The following GIGYF2 variants were observed in gnomAD, a reference collection of about 807,000 sequenced individuals.
The protein encoded by GIGYF2 is GRB10 interacting GYF protein 2.
A neutral mutation model predicts 208.1 loss-of-function variants in GIGYF2; 25 were observed. The ratio of observed to expected loss-of-function variants is 0.12; its 90% CI spans 0.09 to 0.17. The LOEUF is 0.17. GIGYF2 is among the 10% of genes least tolerant of loss of function. The pLI is 1.00. For synonymous variants in GIGYF2, 534 were observed against 543.8 expected (o/e 0.98, Z 0.25); for missense variants, 1,302 against 1,579.4 (o/e 0.82, Z 2.98).
At position 232,847,575 on chromosome 2, in the gene GIGYF2, T is replaced by G; in HGVS notation, c.3684+4T>G. 6.2e-7 allele frequency: 1 copy of G among 1,612,346 alleles called. No homozygotes were observed. The highest frequency in any genetic ancestry group is 8.5e-7 in the Non-Finnish European group (1 of 1,179,984). ...GCCACAGCAGCCACAACAGCAGGTA[T>G]AAAGTAGTGTGGTGTATGCGGTACC... On this transcript the variant is annotated splice_donor_region_variant and intron_variant, in intron 27 of 28. Transcript: ENST00000373563.
At chr2:232,847,767 C>T (rs141115627) in intron 27 of GIGYF2, among the ~76,000 whole-genome samples, 196 bp downstream of exon 27, 7 of 152,266 alleles carry the variant, frequency 4.6e-5, no homozygotes, top group Non-Finnish European at 8.8e-5. Flanking sequence ...GCAAGTACAA[C>T]CATTCATTTT....
chr2:232,710,015 A>G (rs1204277019), intron 2 of GIGYF2, among the ~76,000 whole-genome samples: 1 of 151,838 alleles, frequency 6.6e-6, no homozygotes, highest in East Asian at 2.0e-4. Context: ...GCTGGAGTGC[A>G]GTGGCGTGAT....
At chr2:232,711,705 G>GTATATATGTATATATATATATATA (rs1696413285) in intron 2 of GIGYF2, among the ~76,000 whole-genome samples, 1 of 115,762 alleles carries the variant, frequency 8.6e-6, no homozygotes, top group African/African-American at 3.2e-5. Flanking sequence ...TCACAATGAT[G>GTATATATGTATATATATATATATA]TATATATATA....
At chr2:232,766,706 C>T (rs1698977660) in intron 8 of GIGYF2, 1 of 152,194 alleles carries the variant, frequency 6.6e-6, no homozygotes, top group African/African-American at 2.4e-5. Context: ...CAGAGTTCTT[C>T]TTTATTTTCT....
chr2:232,726,373 A>AT, intron 2 of GIGYF2, among the ~76,000 whole-genome samples: 1 of 151,528 alleles, frequency 6.6e-6, no homozygotes, highest in South Asian at 2.1e-4. Flanking sequence ...TGTCTCAAAA[A>AT]AAAAAAAAAA....
At chr2:232,808,922 C>T (rs1700640034) in intron 15 of GIGYF2, among the ~76,000 whole-genome samples, 1 of 151,996 alleles carries the variant, frequency 6.6e-6, no homozygotes, top group South Asian at 2.1e-4. Flanking sequence ...AGTTTATATA[C>T]ATACATATAC....
chr2:232,838,411 G>A (rs568733747), intron 22 of GIGYF2, among the ~76,000 whole-genome samples: 5 of 152,264 alleles, frequency 3.3e-5, no homozygotes, highest in Admixed American at 1.3e-4. Context: ...AGAGGTGCCC[G>A]TGAGGATAGA....
intron 8 of GIGYF2, among the ~76,000 whole-genome samples, chr2:232,784,731 A>G (rs545038367): frequency 6.6e-6 from 1 of 152,304 alleles, no homozygotes; most frequent in South Asian, 2.1e-4. Context: ...GATATTACAT[A>G]ATAACTACAA....
chr2:232,749,195 C>T (rs1462419923), intron 5 of GIGYF2, 113 bp downstream of exon 5: 6 of 754,368 alleles, frequency 8.0e-6, no homozygotes, highest in South Asian at 1.4e-5. Flanking sequence ...CATAGGTCTG[C>T]TTTCTTCTAT....
intron 21 of GIGYF2, among the ~76,000 whole-genome samples, chr2:232,826,668 G>C (rs1451329193): frequency 6.6e-6 from 1 of 152,124 alleles, no homozygotes; most frequent in Admixed American, 6.6e-5. Flanking sequence ...AATCTGCAAA[G>C]AACTTAAACA....
At chr2:232,851,513 G>A (rs1303955691) in intron 28 of GIGYF2, among the ~76,000 whole-genome samples, 5 of 151,788 alleles carry the variant, frequency 3.3e-5, no homozygotes, top group Non-Finnish European at 1.5e-5. Context: ...TCTGCCTCCC[G>A]GGTTCAAGCG....
intron 21 of GIGYF2, among the ~76,000 whole-genome samples, chr2:232,822,738 A>G (rs1701131105): frequency 6.6e-6 from 1 of 152,224 alleles, no homozygotes; most frequent in Admixed American, 6.5e-5. Flanking sequence ...GTTCTATAGA[A>G]ATGGAATTGA....
chr2:232,772,996 C>CT (rs985125342), intron 8 of GIGYF2, among the ~76,000 whole-genome samples: 4 of 151,848 alleles, frequency 2.6e-5, no homozygotes, highest in South Asian at 2.1e-4. Context: ...TGATTAGAGA[C>CT]TTTTTTTTGT....
At chr2:232,737,815 A>G (rs2106299829) in intron 3 of GIGYF2, among the ~76,000 whole-genome samples, 1 of 152,250 alleles carries the variant, frequency 6.6e-6, no homozygotes, top group South Asian at 2.1e-4. Context: ...CTTAAAAATG[A>G]AGCAATTTAT....
intron 2 of GIGYF2, among the ~76,000 whole-genome samples, chr2:232,717,519 T>C (rs80046625): frequency 3.3e-5 from 5 of 152,208 alleles, no homozygotes; most frequent in Admixed American, 2.6e-4. Flanking sequence ...ATGAGTACTT[T>C]CCTGACATCT....
chr2:232,803,256 ATTTT>A (rs1200042236), intron 14 of GIGYF2, among the ~76,000 whole-genome samples: 1 of 152,170 alleles, frequency 6.6e-6, no homozygotes, highest in Non-Finnish European at 1.5e-5. Flanking sequence ...GTTTGTACAT[ATTTT>A]TTGTCAGTCT....
rs969985455 is a variant in GIGYF2, at chr2:232,729,700, T to A, written c.-43-5455T>A. ...TAGATGAGCCCCAGACTAAGCCATC[T>A]GCTTGAATGCCTCTGATGCACTCCT... On this transcript the variant is annotated intron_variant, in intron 2 of 28. Coordinates refer to ENST00000373563, the MANE Select transcript of GIGYF2 (RefSeq NM_001103146.3). 1.1e-4 allele frequency: 89 copies of A among 776,968 alleles called. No individual in the cohort carries two copies. In the African/African-American group the frequency reaches 1.3e-3, roughly 11 times the overall value. 48.1% of individuals were successfully genotyped at this position (776,968 alleles called of 1,614,324 possible).
In GIGYF2 at chr2:232,796,839, GAC is replaced by G. The variant is rs567963578; in HGVS notation, c.1639+620_1639+621del. 4.6e-5 allele frequency among the ~76,000 whole-genome samples: 7 copies of G among 152,246 alleles called. No individual in the cohort carries two copies. The South Asian group carries it at 1.5e-3, about 32-fold the overall frequency. On this transcript the variant is annotated intron_variant, in intron 14 of 28. Transcript: ENST00000373563. ...CATGCCACTGCACTGCAGCCTGGGT[GAC>G]AGAGTGAGATTCTGTCTAAAAAAAA...
intron 2 of GIGYF2, among the ~76,000 whole-genome samples, chr2:232,716,374 G>GTTTTTT (rs397988241): frequency 2.4e-4 from 24 of 100,286 alleles, no homozygotes; most frequent in Non-Finnish European, 3.4e-4. Context: ...GGTGTTATTT[G>GTTTTTT]TTTTTTTTTT....
Sources: gnomAD v4.1 joint callset for allele counts (sites outside exome capture counted in the v4.1 genomes callset) on GRCh38, gnomAD v4.1.1 for gene constraint, MANE v1.5 for transcripts, NCBI Gene and HGNC (gene_info 2026-07-23, HGNC 2026-07-21) for gene names.